Variants in GPR137B observed in about 807,000 individuals in gnomAD.
GPR137B encodes G protein-coupled receptor 137B.
In GPR137B, 42 loss-of-function variants were observed where a neutral mutation model predicts 42.5. That is an observed-to-expected ratio of 0.99 (90% CI 0.77 to 1.28). The LOEUF (loss-of-function observed/expected upper bound fraction) is 1.28. GPR137B is among the 50% of genes most tolerant of loss of function. The pLI, the probability that GPR137B is intolerant of heterozygous loss-of-function variation, is 0.00. For missense variants in GPR137B, 487 were observed against 493.9 expected (o/e 0.99, Z 0.13); for synonymous variants, 218 against 209.7 (o/e 1.04, Z -0.34).
intron 6 of GPR137B, among the ~76,000 whole-genome samples, chr1:236,206,121 A>ATACT (rs1348854456): frequency 3.9e-5 from 6 of 152,230 alleles, no homozygotes; most frequent in Admixed American, 3.3e-4. Flanking sequence ...ATTTTCATGA[A>ATACT]TACTTATTTA....
In GPR137B at chr1:236,150,994, C is replaced by T. The variant is rs1429327381; in HGVS notation, c.414+7958C>T. Among the ~76,000 whole-genome samples the T allele has an allele frequency of 6.6e-6, 1 of 152,202 alleles. No homozygotes were observed. The highest frequency in any genetic ancestry group is 2.4e-5 in the African/African-American group (1 of 41,446). ...AGGAACATTTGCAAGATCCAAGACC[C>T]TCTACAAAATCTCACTGCAAGCGTC... On this transcript the variant is annotated intron_variant, in intron 1 of 6. Transcript: ENST00000366592. The surrounding 1 kb of genome is among the most constrained non-coding windows in gnomAD (Gnocchi z 6.2).
rs748935079 is a variant in GPR137B at position 236,183,821 on chromosome 1, T to C, written c.881T>C (p.Phe294Ser). 15 of 1,604,742 alleles carry C rather than the reference T, an allele frequency of 9.3e-6. No individual in the cohort carries two copies. In the Admixed American group the frequency reaches 1.2e-4, roughly 12 times the overall value. Residue 294 changes from phenylalanine (F) to serine (S), a missense_variant, in exon 5 of 7, where the codon TTT becomes TCT. Phe to Ser is a radical substitution (Grantham distance 155). Transcript: ENST00000366592. The part of the protein sequence containing the change: ...NQLGDAGYVL[F>S]GVVLFVWELL... ...CTGGGAGATGCTGGATACGTATTAT[T>C]TGGAGTGGTGTTATTTGTTTGGGAA...
intron 5 of GPR137B, among the ~76,000 whole-genome samples, chr1:236,202,635 G>T (rs1204252707): frequency 6.6e-6 from 1 of 151,650 alleles, no homozygotes; most frequent in Non-Finnish European, 1.5e-5. Context: ...TAGAATAGAT[G>T]AACAGAATCT....
At chr1:236,192,495 T>C (rs1663221384) in intron 5 of GPR137B, among the ~76,000 whole-genome samples, 1 of 152,134 alleles carries the variant, frequency 6.6e-6, no homozygotes, top group Non-Finnish European at 1.5e-5. Context: ...AATCTCCTGG[T>C]CTGCGGGTTG....
intron 5 of GPR137B, among the ~76,000 whole-genome samples, chr1:236,192,816 T>C (rs886711290): frequency 6.6e-6 from 1 of 152,204 alleles, no homozygotes; most frequent in Non-Finnish European, 1.5e-5. Flanking sequence ...TTTTTATCGC[T>C]GTATGACATC....
intron 1 of GPR137B, among the ~76,000 whole-genome samples, chr1:236,164,229 A>G (rs774675079): frequency 6.6e-6 from 1 of 152,188 alleles, no homozygotes; most frequent in Non-Finnish European, 1.5e-5. Context: ...AGTGCTGAGT[A>G]TCAGTTGACC....
At position 236,146,343 on chromosome 1, in the gene GPR137B, G is replaced by A. The variant is rs191748484; in HGVS notation, c.414+3307G>A. On this transcript the variant is annotated intron_variant, in intron 1 of 6. Coordinates refer to ENST00000366592, the MANE Select transcript of GPR137B (RefSeq NM_003272.4). ...CTTGAATGAGACATGAGTCCTCTGA[G>A]AAGAAGCAGGTGTCTGGAGGCTGAA... 2.0e-3 allele frequency among the ~76,000 whole-genome samples: 308 copies of A among 152,344 alleles called. 1 individual carries two copies. Among genetic ancestry groups the A allele is most frequent in the South Asian group, 0.012 (57 of 4,828 alleles).
chr1:236,205,059 A>G, intron 5 of GPR137B, 67 bp from the exon 6 acceptor site: 2 of 1,334,432 alleles, frequency 1.5e-6, no homozygotes, highest in Non-Finnish European at 2.1e-6. Context: ...CAAGAAAGAG[A>G]TCTTATTTTT....
At chr1:236,174,396 C>G (rs1281586535) in intron 2 of GPR137B, among the ~76,000 whole-genome samples, 1 of 152,146 alleles carries the variant, frequency 6.6e-6, no homozygotes, top group Non-Finnish European at 1.5e-5. Flanking sequence ...GCTTGATGAG[C>G]ACGTAGCCTG....
intron 5 of GPR137B, among the ~76,000 whole-genome samples, chr1:236,203,238 C>T (rs113901908): frequency 0.16 from 24,506 of 151,942 alleles, 2,258 homozygotes; most frequent in East Asian, 0.23. Flanking sequence ...CCATTTCGCC[C>T]GGCTAATTTT....
chr1:236,164,563 C>G (rs1225161705), intron 1 of GPR137B, among the ~76,000 whole-genome samples: 1 of 152,192 alleles, frequency 6.6e-6, no homozygotes, highest in Non-Finnish European at 1.5e-5. Context: ...AGCTTTAGCT[C>G]AAGTTCCGGA....
At chr1:236,193,918 A>G (rs1469933266) in intron 5 of GPR137B, among the ~76,000 whole-genome samples, 1 of 152,130 alleles carries the variant, frequency 6.6e-6, no homozygotes, top group Non-Finnish European at 1.5e-5. Context: ...CTGGTGTCAT[A>G]CCCAAGAACC....
At chr1:236,146,627 G>A (rs1292613808) in intron 1 of GPR137B, among the ~76,000 whole-genome samples, 1 of 152,180 alleles carries the variant, frequency 6.6e-6, no homozygotes, top group African/African-American at 2.4e-5. Flanking sequence ...CCGAGCCTCC[G>A]TGCAATGCAC....
Position 236,168,749 on chromosome 1 carries a change from A to G in GPR137B, c.458A>G (p.Lys153Arg). The G allele has an allele frequency of 1.9e-6, 3 of 1,604,832 alleles. No homozygotes were observed. Among genetic ancestry groups the G allele is most frequent in the Non-Finnish European group, 2.6e-6 (3 of 1,171,532 alleles). ...AKSKYSPELL[K>R]YRLPLYLASL... ...TCAAAATATTCTCCAGAATTACTCA[A>G]ATACCGGTAAGTACTGCAGGGCATC... The change falls in exon 2 of 7, where the codon AAA (lysine) becomes AGA (arginine). Residue 153 changes from lysine to arginine, a missense_variant. Lys to Arg is a conservative substitution (Grantham distance 26). Transcript: ENST00000366592.
chr1:236,181,050 TG>T (rs1247067876), intron 4 of GPR137B, among the ~76,000 whole-genome samples: 2 of 152,108 alleles, frequency 1.3e-5, no homozygotes, highest in Admixed American at 6.5e-5. Context: ...AGAATGTTTT[TG>T]TTTTTTTTGT....
chr1:236,143,200 C>A (rs1219430120), intron 1 of GPR137B, among the ~76,000 whole-genome samples, 164 bp downstream of exon 1: 1 of 152,146 alleles, frequency 6.6e-6, no homozygotes, highest in Non-Finnish European at 1.5e-5. Flanking sequence ...GTCCTGTTTG[C>A]GGGCATTTGT....
intron 5 of GPR137B, among the ~76,000 whole-genome samples, chr1:236,200,830 C>G (rs1663473060): frequency 6.6e-6 from 1 of 151,826 alleles, no homozygotes; most frequent in Non-Finnish European, 1.5e-5. Flanking sequence ...AGCATTTAGG[C>G]CATTTACACC....
At chr1:236,181,500 TTAGA>T (rs147148967) in intron 4 of GPR137B, among the ~76,000 whole-genome samples, 2 of 152,372 alleles carry the variant, frequency 1.3e-5, no homozygotes, top group Non-Finnish European at 2.9e-5. Flanking sequence ...TATACATTTA[TTAGA>T]TTGATTGGCA....
At chr1:236,179,331 T>C (rs896569304) in intron 3 of GPR137B, among the ~76,000 whole-genome samples, 1 of 152,222 alleles carries the variant, frequency 6.6e-6, no homozygotes, top group Non-Finnish European at 1.5e-5. Flanking sequence ...TTTAACTGTC[T>C]TTGGAAATTG....
Sources: gnomAD v4.1 joint callset for allele counts (sites outside exome capture counted in the v4.1 genomes callset) on GRCh38, gnomAD v4.1.1 for gene constraint, Gnocchi (gnomAD v3.1) non-coding constraint, MANE v1.5 for transcripts, NCBI Gene and HGNC (gene_info 2026-07-23, HGNC 2026-07-21) for gene names.